The following PABIR3 variants were observed in gnomAD, a reference collection of about 807,000 sequenced individuals.
The protein encoded by PABIR3 is PABIR family member 1.
In PABIR3, 20 loss-of-function variants were observed where a neutral mutation model predicts 23.1. The observed-to-expected ratio is 0.86, with a 90% CI of 0.61 to 1.26. PABIR3 has a LOEUF of 1.26. Among genes scored for constraint, PABIR3 ranks in the 50% most tolerant of loss-of-function variants. The pLI, the probability that PABIR3 is intolerant of heterozygous loss-of-function variation, is 0.00. For synonymous variants in PABIR3, 69 were observed against 68.5 expected, an observed-to-expected ratio of 1.01 and a Z score of -0.04; for missense variants, 189 against 195.4, an observed-to-expected ratio of 0.97 and a Z score of 0.20.
chrX:134,855,988 T>C (rs747401003), downstream of PABIR3, among the ~76,000 whole-genome samples: 2 of 111,148 alleles, frequency 1.8e-5, no homozygotes, highest in Non-Finnish European at 3.8e-5. Context: ...CAGACAAAGG[T>C]TCACATGTAC....
At chrX:134,826,567 C>A (rs1278809064) in intron 3 of PABIR3, among the ~76,000 whole-genome samples, 3 of 110,725 alleles carry the variant, frequency 2.7e-5, no homozygotes, top group African/African-American at 6.6e-5. Context: ...TTCTCTCATT[C>A]CCCTCTGAGC....
intron 2 of PABIR3, chrX:134,811,113 A>G: frequency 2.7e-6 from 2 of 747,953 alleles, no homozygotes; most frequent in Non-Finnish European, 3.2e-6. Context: ...TTAATACAGT[A>G]TTACTGTTTT....
intron 3 of PABIR3, among the ~76,000 whole-genome samples, chrX:134,828,795 A>G (rs934131392): frequency 6.3e-5 from 7 of 111,757 alleles, no homozygotes; most frequent in Non-Finnish European, 1.3e-4. Flanking sequence ...TCTGTTTATG[A>G]TTTTTGGGCA....
intron 8 of PABIR3, among the ~76,000 whole-genome samples, 200 bp from the exon 9 acceptor site, chrX:134,848,967 C>T (rs1315530013): frequency 8.9e-6 from 1 of 111,788 alleles, no homozygotes; most frequent in Admixed American, 9.6e-5. Flanking sequence ...CACGCCACTG[C>T]ACTCCAGCCT....
In PABIR3 at chrX:134,820,866, C is replaced by T. The variant is rs144069495; in HGVS notation, c.189+6017C>T. 2.1e-4 allele frequency among the ~76,000 whole-genome samples: 23 copies of T among 107,467 alleles called. No individual in the cohort carries two copies. In the East Asian group the frequency reaches 4.7e-3, roughly 22 times the overall value. 93.3% of individuals were successfully genotyped at this position (107,467 alleles called of 115,157 possible). A position where few individuals can be genotyped will look rare whatever the true frequency, so the allele number is the denominator to read the frequency against. On this transcript the variant is annotated intron_variant, in intron 3 of 10. Transcript: ENST00000645433. Reference sequence around the variant, plus strand: ...TGAAACCCCGTCTCTACTAAAAATACGAAAAATTAGCCAGGTCTGGTGGCA... The same window carrying T: ...TGAAACCCCGTCTCTACTAAAAATATGAAAAATTAGCCAGGTCTGGTGGCA...
At chrX:134,855,116 A>G (rs1271573185), downstream of PABIR3, among the ~76,000 whole-genome samples, 1 of 108,081 alleles carries the variant, frequency 9.3e-6, no homozygotes, top group African/African-American at 3.4e-5. Flanking sequence ...TTTTTTTTTT[A>G]AATAGGAAAA....
chrX:134,822,618 G>A (rs1398800874), intron 3 of PABIR3: 3 of 747,629 alleles, frequency 4.0e-6, no homozygotes, highest in Non-Finnish European at 4.7e-6. Flanking sequence ...CCATCCCTTA[G>A]GTATAAATTA....
At chrX:134,843,157 C>T (rs776766613) in intron 4 of PABIR3, among the ~76,000 whole-genome samples, 16 of 110,415 alleles carry the variant, frequency 1.4e-4, no homozygotes, top group South Asian at 3.8e-4. Context: ...CGAGATCACA[C>T]CATTGCACTC....
chrX:134,808,186 AT>A (rs11298472), intron 2 of PABIR3: 6,187 of 194,550 alleles, frequency 0.032, 26 homozygotes, highest in East Asian at 0.064. Flanking sequence ...ACTTTTTTAC[AT>A]TTTTTTTTTT....
the PABIR3 span, among the ~76,000 whole-genome samples, chrX:134,863,494 G>T: frequency 1.6e-4 from 18 of 111,226 alleles, no homozygotes; most frequent in Non-Finnish European, 3.2e-4. Flanking sequence ...CTTGGACAAG[G>T]AATTTGAAGA....
At chrX:134,829,421 CAA>C in intron 4 of PABIR3, 139 bp downstream of exon 4, 1 of 399,105 alleles carries the variant, frequency 2.5e-6, no homozygotes, top group Non-Finnish European at 4.0e-6. Context: ...ATGATTTCTT[CAA>C]AAAAAAAACA....
In PABIR3 at chrX:134,854,110, G is replaced by A; in HGVS notation, c.706G>A (p.Asp236Asn). The A allele has an allele frequency of 8.3e-7, 1 of 1,210,521 alleles. No homozygotes were observed. ...TTCTAGTCTACTTCCAGCTACTTTTGATGGAAACGACAGCAATGCTGGATC... is the reference window on the plus strand; with the variant it reads ...TTCTAGTCTACTTCCAGCTACTTTTAATGGAAACGACAGCAATGCTGGATC... ...NNVYLLPATF[D>N]GNDSNAGSSG... The change falls in exon 11 of 11, where the codon GAT (aspartate) becomes AAT (asparagine). Residue 236 changes from aspartate (D) to asparagine (N), a missense_variant. Transcript: ENST00000645433.
At chrX:134,848,549 C>T (rs2082515520) in intron 8 of PABIR3, among the ~76,000 whole-genome samples, 1 of 112,197 alleles carries the variant, frequency 8.9e-6, no homozygotes, top group African/African-American at 3.2e-5. Flanking sequence ...ATCTCTAGAA[C>T]TTTAAACAAC....
intron 3 of PABIR3, chrX:134,822,383 A>T (rs1320224813): frequency 5.3e-6 from 4 of 750,903 alleles, no homozygotes; most frequent in East Asian, 1.5e-4. Flanking sequence ...TCACATTATT[A>T]CTAAAAGAAT....
intron 4 of PABIR3, among the ~76,000 whole-genome samples, chrX:134,839,771 G>T (rs1362259815): frequency 3.9e-5 from 4 of 102,502 alleles, no homozygotes; most frequent in South Asian, 9.0e-4. Flanking sequence ...CAGCCGCCTC[G>T]TCCGGGAGGT....
chrX:134,826,121 T>C (rs1436333111), intron 3 of PABIR3, among the ~76,000 whole-genome samples: 1 of 111,154 alleles, frequency 9.0e-6, no homozygotes, highest in African/African-American at 3.3e-5. Flanking sequence ...GAGTAGATCA[T>C]TTTCCCACAG....
rs1170036487 is a variant in PABIR3 at position 134,810,181 on chromosome X, A to G, written c.110+2473A>G. ...GGAACCTGTGGATCCTCTTTAATGT[A>G]TTAAATACACCAGAGAAGGAGTGGA... On this transcript the variant is annotated intron_variant, in intron 2 of 10. Transcript: ENST00000645433. 3.6e-5 allele frequency: 27 copies of G among 753,056 alleles called. No individual in the cohort carries two copies. The South Asian group carries it at 8.8e-4, about 25-fold the overall frequency. The allele number at this position is 753,056 out of a possible 1,213,427, so 62.1% of individuals were successfully genotyped here.
At chrX:134,826,441 T>C (rs2081510823) in intron 3 of PABIR3, among the ~76,000 whole-genome samples, 1 of 111,676 alleles carries the variant, frequency 9.0e-6, no homozygotes, top group South Asian at 3.8e-4. Context: ...CTTCCTTGTC[T>C]CTTATATAAA....
chrX:134,845,215 T>C lies in PABIR3; in HGVS notation c.257T>C (p.Met86Thr). 8.4e-7 allele frequency: 1 copy of C among 1,194,074 alleles called. No individual in the cohort carries two copies. The highest frequency in any genetic ancestry group is 1.1e-6 in the Non-Finnish European group (1 of 885,136). The change falls in exon 5 of 11, where the codon ATG (methionine) becomes ACG (threonine). Residue 86 changes from methionine to threonine, a missense_variant. Transcript: ENST00000645433. ...TTCCTACCTTTACAGGAAGAAGCCA[T>C]GGATTTAATAAATAGAGAAACAATG... Reference protein sequence around the residue: ...RLHQIKQEEAMDLINRETMSE... With the variant: ...RLHQIKQEEATDLINRETMSE...
Sources: allele counts gnomAD v4.1 joint callset (sites outside exome capture counted in the v4.1 genomes callset), GRCh38; gene constraint gnomAD v4.1.1; transcripts MANE v1.5; gene names NCBI Gene and HGNC (gene_info 2026-07-23, HGNC 2026-07-21).